Variants in KCNH7 observed in about 807,000 individuals in gnomAD.
The protein encoded by KCNH7 is voltage-gated inwardly rectifying potassium channel KCNH7.
Under a neutral mutation model 120.8 loss-of-function variants are expected in KCNH7, and 49 were observed. That is an observed-to-expected ratio of 0.41 (90% CI 0.32 to 0.51). The LOEUF is 0.51. Ranked by LOEUF, KCNH7 falls within the 20% of genes least tolerant of loss-of-function variation. The pLI is 0.38. For synonymous variants in KCNH7, 547 were observed against 516.1 expected (o/e 1.06, Z -0.81); for missense variants, 1,097 against 1,446.6 (o/e 0.76, Z 3.92).
chr2:162,683,814 T>C (rs1224321564), intron 2 of KCNH7, among the ~76,000 whole-genome samples: 3 of 151,920 alleles, frequency 2.0e-5, no homozygotes. Flanking sequence ...CAAGCTACCA[T>C]TGACTTTCTT....
At chr2:162,522,245 G>A (rs1691557574) in intron 3 of KCNH7, among the ~76,000 whole-genome samples, 1 of 151,852 alleles carries the variant, frequency 6.6e-6, no homozygotes, top group African/African-American at 2.4e-5. Flanking sequence ...AATTCTGCAA[G>A]CTTATTACGA....
chr2:162,389,949 CT>C (rs1487694059), intron 12 of KCNH7, among the ~76,000 whole-genome samples: 4 of 151,928 alleles, frequency 2.6e-5, no homozygotes, highest in Non-Finnish European at 5.9e-5. Context: ...TTAAGACAAA[CT>C]TTTGAAACTA....
At chr2:162,413,594 G>A (rs1480105873) in intron 9 of KCNH7, among the ~76,000 whole-genome samples, 1 of 152,116 alleles carries the variant, frequency 6.6e-6, no homozygotes, top group Non-Finnish European at 1.5e-5. Flanking sequence ...TTCTATTCAT[G>A]TGAAGGAAAT....
intron 2 of KCNH7, among the ~76,000 whole-genome samples, chr2:162,692,644 T>C (rs1232767921): frequency 6.6e-6 from 1 of 151,824 alleles, no homozygotes; most frequent in East Asian, 1.9e-4. Context: ...TATTTTAGAG[T>C]ATAGGATGGC....
At chr2:162,441,715 G>A (rs1286950321) in intron 7 of KCNH7, among the ~76,000 whole-genome samples, 2 of 152,062 alleles carry the variant, frequency 1.3e-5, no homozygotes, top group Non-Finnish European at 2.9e-5. Flanking sequence ...TCTGGAGACT[G>A]AGCCAATAAC....
At chr2:162,800,105 A>G (rs983193800) in intron 2 of KCNH7, among the ~76,000 whole-genome samples, 2 of 151,716 alleles carry the variant, frequency 1.3e-5, no homozygotes, top group Non-Finnish European at 2.9e-5. Flanking sequence ...TGAGTATTCC[A>G]GGGGCAGATC....
At chr2:162,577,337 CAT>C (rs1693712495) in intron 2 of KCNH7, among the ~76,000 whole-genome samples, 4 of 122,530 alleles carry the variant, frequency 3.3e-5, no homozygotes, top group Admixed American at 8.0e-5. Flanking sequence ...ATCTGTCTAT[CAT>C]CTATCCATCC....
chr2:162,838,391 T>C, intron 1 of KCNH7, 52 bp downstream of exon 1: 2 of 1,456,624 alleles, frequency 1.4e-6, no homozygotes, highest in South Asian at 2.3e-5. Context: ...GGACGCCAAG[T>C]GCACTAACAA....
At chr2:162,822,745 C>T (rs1480769185) in intron 2 of KCNH7, among the ~76,000 whole-genome samples, 1 of 152,044 alleles carries the variant, frequency 6.6e-6, no homozygotes, top group Non-Finnish European at 1.5e-5. Context: ...TTTCTAAAAC[C>T]CTCCAGAAGC....
chr2:162,540,828 A>T (rs1439010022), intron 2 of KCNH7, among the ~76,000 whole-genome samples: 1 of 152,108 alleles, frequency 6.6e-6, no homozygotes. Context: ...CTTATAGAGG[A>T]GGCCAGGATG....
At chr2:162,571,826 G>T (rs1030067994) in intron 2 of KCNH7, among the ~76,000 whole-genome samples, 10 of 151,116 alleles carry the variant, frequency 6.6e-5, no homozygotes, top group Non-Finnish European at 1.3e-4. Context: ...ATGGTGCTGG[G>T]AAAACTGGCT....
rs1693380033 is a variant in KCNH7 at position 162,569,357 on chromosome 2, TGTGGGATCGGTG to T, written c.308-32289_308-32278del. 2.0e-5 allele frequency among the ~76,000 whole-genome samples: 3 copies of T among 151,930 alleles called. No homozygotes were observed. The South Asian group carries it at 6.3e-4, about 32-fold the overall frequency. On this transcript the variant is annotated intron_variant, in intron 2 of 15. Coordinates refer to ENST00000332142, the MANE Select transcript of KCNH7 (RefSeq NM_033272.4). Reference sequence around the variant, plus strand: ...ATTCTCTGATGGTAGTTTGTATTTCTGTGGGATCGGTGGTGATATCCTCTTTATCATTTTTTA... The same window carrying T: ...ATTCTCTGATGGTAGTTTGTATTTCTGTGATATCCTCTTTATCATTTTTTA...
At chr2:162,461,517 C>T (rs1348791724) in intron 6 of KCNH7, among the ~76,000 whole-genome samples, 1 of 152,150 alleles carries the variant, frequency 6.6e-6, no homozygotes, top group Non-Finnish European at 1.5e-5. Flanking sequence ...TTACAAATAA[C>T]ATTCAATGCT....
intron 9 of KCNH7, among the ~76,000 whole-genome samples, chr2:162,414,650 T>G (rs983678531): frequency 6.6e-6 from 1 of 151,930 alleles, no homozygotes; most frequent in African/African-American, 2.4e-5. Flanking sequence ...TACATGCAAA[T>G]ATAAGTATAA....
chr2:162,764,157 T>A (rs1689064319), intron 2 of KCNH7, among the ~76,000 whole-genome samples: 1 of 152,148 alleles, frequency 6.6e-6, no homozygotes, highest in African/African-American at 2.4e-5. Flanking sequence ...TCCTTAAGGT[T>A]TCATGGAAAA....
chr2:162,769,715 G>C (rs1002966784), intron 2 of KCNH7, among the ~76,000 whole-genome samples: 6 of 151,772 alleles, frequency 4.0e-5, no homozygotes, highest in Non-Finnish European at 8.8e-5. Context: ...ACATGCATAT[G>C]TGCACATATA....
chr2:162,735,041 C>T (rs1382014414), intron 2 of KCNH7, among the ~76,000 whole-genome samples: 1 of 152,142 alleles, frequency 6.6e-6, no homozygotes, highest in Non-Finnish European at 1.5e-5. Flanking sequence ...CACGACAAGG[C>T]TTACAGTAAG....
intron 2 of KCNH7, among the ~76,000 whole-genome samples, chr2:162,715,972 G>A (rs1421444488): frequency 6.6e-6 from 1 of 151,528 alleles, no homozygotes; most frequent in Non-Finnish European, 1.5e-5. Flanking sequence ...GTGTGTGTGT[G>A]TGTGTGCACA....
chr2:162,598,110 T>C (rs868336700), intron 2 of KCNH7, among the ~76,000 whole-genome samples: 6 of 152,106 alleles, frequency 3.9e-5, no homozygotes, highest in African/African-American at 1.4e-4. Context: ...ATAACAGAGA[T>C]AGAAAAATTT....
Sources: gnomAD v4.1 joint callset for allele counts (sites outside exome capture counted in the v4.1 genomes callset) on GRCh38, gnomAD v4.1.1 for gene constraint, MANE v1.5 for transcripts, NCBI Gene and HGNC (gene_info 2026-07-23, HGNC 2026-07-21) for gene names.